ASCC3: variants seen among roughly 807,000 people sequenced by gnomAD.
The protein encoded by ASCC3 is ASC-1 complex subunit P200.
Under a neutral mutation model 256.3 loss-of-function variants are expected in ASCC3, and 158 were observed. The observed-to-expected ratio is 0.62, with a 90% CI of 0.54 to 0.70. The LOEUF (loss-of-function observed/expected upper bound fraction) is 0.70, where lower values mean the gene tolerates loss of function less well. Among genes scored for constraint, ASCC3 ranks in the 30% least tolerant of loss-of-function variants. The probability of loss-of-function intolerance (pLI) is 0.00; values close to 1 mark genes in which losing one functional copy is unlikely to be tolerated. For synonymous variants in ASCC3, 948 were observed against 883.4 expected (o/e 1.07, Z -1.30); for missense variants, 2,259 against 2,626.0 (o/e 0.86, Z 3.05).
intron 13 of ASCC3, among the ~76,000 whole-genome samples, chr6:100,705,073 T>C (rs1201665091): frequency 6.6e-6 from 1 of 152,056 alleles, no homozygotes; most frequent in East Asian, 1.9e-4. Flanking sequence ...AGACGTCTCA[T>C]TAGTTTGAGC....
In ASCC3 at chr6:100,794,458, C is replaced by A. The variant is rs531469227; in HGVS notation, c.1395+4255G>T. On this transcript the variant is annotated intron_variant, in intron 8 of 41. Coordinates refer to ENST00000369162, the MANE Select transcript of ASCC3 (RefSeq NM_006828.4). Reference sequence around the variant, plus strand: ...CTGGCAAAAGTGTATGCTTTCATATCCTTCATGAAAGCTTCTTCCTTGATC... The same window carrying A: ...CTGGCAAAAGTGTATGCTTTCATATACTTCATGAAAGCTTCTTCCTTGATC... Among the ~76,000 whole-genome samples the A allele has an allele frequency of 2.4e-4, 36 of 152,160 alleles. 1 individual carries two copies. The South Asian group carries it at 5.8e-3, about 25-fold the overall frequency.
intron 14 of ASCC3, among the ~76,000 whole-genome samples, chr6:100,670,231 T>C (rs1429961572): frequency 6.6e-6 from 1 of 151,920 alleles, no homozygotes; most frequent in Non-Finnish European, 1.5e-5. Flanking sequence ...TGTTAATCTG[T>C]TATAAACTTA....
At chr6:100,851,811 T>C (rs1183603462) in intron 3 of ASCC3, among the ~76,000 whole-genome samples, 1 of 152,202 alleles carries the variant, frequency 6.6e-6, no homozygotes, top group Non-Finnish European at 1.5e-5. Flanking sequence ...CATGGATGAC[T>C]ACACAACAGA....
At chr6:100,638,167 T>C (rs559516182) in intron 25 of ASCC3, among the ~76,000 whole-genome samples, 1 of 152,284 alleles carries the variant, frequency 6.6e-6, no homozygotes, top group South Asian at 2.1e-4. Flanking sequence ...GCCACAACCA[T>C]GATCAGTCAG....
At chr6:100,655,944 G>C in intron 16 of ASCC3, 126 bp from the exon 17 acceptor site, 1 of 1,090,084 alleles carries the variant, frequency 9.2e-7, no homozygotes, top group South Asian at 1.3e-5. Flanking sequence ...AAAAAGGTAG[G>C]CATAGTGACT....
intron 10 of ASCC3, among the ~76,000 whole-genome samples, chr6:100,726,003 A>C (rs1328040369): frequency 1.3e-5 from 2 of 151,518 alleles, no homozygotes; most frequent in Admixed American, 6.6e-5. Flanking sequence ...AAAAAAAAAA[A>C]AACAGTAAGA....
intron 14 of ASCC3, among the ~76,000 whole-genome samples, chr6:100,665,554 C>T (rs1353245895): frequency 6.6e-6 from 1 of 151,474 alleles, no homozygotes; most frequent in Non-Finnish European, 1.5e-5. Flanking sequence ...GAAACTCCGT[C>T]TCTACTAACA....
chr6:100,608,795 G>C (rs1217407131), intron 30 of ASCC3, among the ~76,000 whole-genome samples: 2 of 82,944 alleles, frequency 2.4e-5, no homozygotes, highest in Non-Finnish European at 4.5e-5. Context: ...GCAGAGTCTC[G>C]CTACGTTGCC....
chr6:100,510,377 T>C lies in ASCC3; in HGVS notation c.6286-270A>G, dbSNP rs1003652747. On this transcript the variant is annotated intron_variant, in intron 40 of 41. Transcript: ENST00000369162. ...TATGGCCAGTTAGAATAAAAAACTCTGGATCTTGACATCAAATTAGCAAAT... is the reference window on the plus strand; with the variant it reads ...TATGGCCAGTTAGAATAAAAAACTCCGGATCTTGACATCAAATTAGCAAAT... 4.7e-5 allele frequency: 18 copies of C among 386,348 alleles called. No individual in the cohort carries two copies. The East Asian group carries it at 8.1e-4, about 17-fold the overall frequency. 23.9% of individuals were successfully genotyped at this position (386,348 alleles called of 1,614,324 possible). A position where few individuals can be genotyped will look rare whatever the true frequency, so the allele number is the denominator to read the frequency against.
chr6:100,781,429 G>A (rs935460422), intron 8 of ASCC3, among the ~76,000 whole-genome samples: 6 of 152,066 alleles, frequency 3.9e-5, no homozygotes, highest in African/African-American at 1.4e-4. Context: ...TGTTGCCCAG[G>A]CTGGAATGCA....
chr6:100,711,366 A>T (rs192629587), intron 13 of ASCC3, among the ~76,000 whole-genome samples: 1 of 151,026 alleles, frequency 6.6e-6, no homozygotes, highest in Non-Finnish European at 1.5e-5. Context: ...GTCCCACAGT[A>T]AAGTATTTAT....
intron 13 of ASCC3, among the ~76,000 whole-genome samples, chr6:100,693,658 G>A (rs763518582): frequency 2.0e-5 from 3 of 152,120 alleles, no homozygotes; most frequent in Non-Finnish European, 4.4e-5. Flanking sequence ...ACATGACAAA[G>A]TAGATGACCA....
chr6:100,770,909 G>GA (rs1781888409), intron 8 of ASCC3, among the ~76,000 whole-genome samples: 1 of 150,366 alleles, frequency 6.7e-6, no homozygotes, highest in Admixed American at 6.6e-5. Context: ...TCCCACCAGG[G>GA]TTTCCTATGG....
At chr6:100,746,024 C>G (rs1217870520) in intron 10 of ASCC3, among the ~76,000 whole-genome samples, 1 of 151,730 alleles carries the variant, frequency 6.6e-6, no homozygotes, top group Non-Finnish European at 1.5e-5. Context: ...ATTTGTATAG[C>G]TTTCTTAAAA....
At chr6:100,558,526 A>G (rs935465822) in intron 36 of ASCC3, among the ~76,000 whole-genome samples, 28 of 152,276 alleles carry the variant, frequency 1.8e-4, no homozygotes, top group Admixed American at 1.3e-3. Flanking sequence ...ATATCTCAAA[A>G]AGACAACTTT....
chr6:100,631,009 A>C, intron 26 of ASCC3, 119 bp downstream of exon 26: 1 of 703,882 alleles, frequency 1.4e-6, no homozygotes. Context: ...ACCATTCAGC[A>C]GTTAAATAAA....
intron 32 of ASCC3, 40 bp from the exon 33 acceptor site, chr6:100,605,740 A>G (rs1772850765): frequency 6.2e-7 from 1 of 1,601,008 alleles, no homozygotes; most frequent in African/African-American, 1.3e-5. Context: ...ACAATGTGGC[A>G]TATAGCACAA....
At chr6:100,685,432 T>G (rs193193424) in intron 13 of ASCC3, among the ~76,000 whole-genome samples, 25 of 152,286 alleles carry the variant, frequency 1.6e-4, no homozygotes, top group African/African-American at 5.8e-4. Flanking sequence ...GATTTAAAAG[T>G]GTGTGGTTCC....
At chr6:100,624,990 A>G (rs1774154020) in intron 30 of ASCC3, among the ~76,000 whole-genome samples, 1 of 152,040 alleles carries the variant, frequency 6.6e-6, no homozygotes, top group Admixed American at 6.6e-5. Flanking sequence ...CGTTAAAGGA[A>G]AAAATTATAA....
Sources: gnomAD v4.1 joint callset for allele counts (sites outside exome capture counted in the v4.1 genomes callset) on GRCh38, gnomAD v4.1.1 for gene constraint, MANE v1.5 for transcripts, NCBI Gene and HGNC (gene_info 2026-07-23, HGNC 2026-07-21) for gene names.